Variants in TENM3 observed in about 807,000 individuals in gnomAD.
TENM3 encodes teneurin-3.
TENM3 carries 63 observed loss-of-function variants against 255.1 expected under a neutral mutation model. The ratio of observed to expected loss-of-function variants is 0.25; its 90% CI spans 0.20 to 0.30. TENM3 has a LOEUF of 0.30. Among genes scored for constraint, TENM3 ranks in the 10% least tolerant of loss-of-function variants. TENM3 has a pLI of 1.00. For synonymous variants in TENM3, 1,306 were observed against 1,322.3 expected, an observed-to-expected ratio of 0.99 and a Z score of 0.27; for missense variants, 2,929 against 3,461.1, an observed-to-expected ratio of 0.85 and a Z score of 3.86.
At chr4:182,297,277 A>T (rs1459917030) in intron 1 of TENM3, among the ~76,000 whole-genome samples, 1 of 152,198 alleles carries the variant, frequency 6.6e-6, no homozygotes, top group African/African-American at 2.4e-5. Flanking sequence ...TGCAGGTGAC[A>T]CTGTCACTTG....
chr4:182,261,473 G>A (rs1033763965), intron 1 of TENM3, among the ~76,000 whole-genome samples: 6 of 152,160 alleles, frequency 3.9e-5, no homozygotes, highest in Non-Finnish European at 7.3e-5. Context: ...TCAGCACCCC[G>A]TGTTTGTCCC....
intron 22 of TENM3, among the ~76,000 whole-genome samples, chr4:182,772,002 T>C (rs1387810810): frequency 6.6e-6 from 1 of 152,180 alleles, no homozygotes; most frequent in Non-Finnish European, 1.5e-5. Flanking sequence ...ATCTGACCGA[T>C]ACTGTCCCCA....
chr4:181,676,297 G>A, the TENM3 span, among the ~76,000 whole-genome samples: 1 of 152,092 alleles, frequency 6.6e-6, no homozygotes, highest in Non-Finnish European at 1.5e-5. Context: ...TAGGGAGTAG[G>A]GGAGGACATA....
chr4:181,613,708 T>C, the TENM3 span, among the ~76,000 whole-genome samples: 1 of 152,234 alleles, frequency 6.6e-6, no homozygotes, highest in Non-Finnish European at 1.5e-5. Flanking sequence ...CTTAGAATCA[T>C]GTTGATTTAT....
At chr4:182,535,739 CAAAA>C (rs113823765) in intron 3 of TENM3, among the ~76,000 whole-genome samples, 2 of 110,470 alleles carry the variant, frequency 1.8e-5, no homozygotes, top group Admixed American at 9.4e-5. Flanking sequence ...GACCCTATGT[CAAAA>C]AAAAAAAAAA....
At chr4:182,674,835 G>C (rs1282120939) in intron 7 of TENM3, among the ~76,000 whole-genome samples, 3 of 152,016 alleles carry the variant, frequency 2.0e-5, no homozygotes, top group Non-Finnish European at 4.4e-5. Flanking sequence ...CTTCCCAAAG[G>C]ACTGGGATTA....
At chr4:182,680,806 T>G in intron 10 of TENM3, 69 bp downstream of exon 10, 1 of 1,258,458 alleles carries the variant, frequency 7.9e-7, no homozygotes, top group Admixed American at 3.4e-5. Context: ...TCTGTAATCT[T>G]TAGTTGGGCA....
chr4:181,528,975 A>C, the TENM3 span, among the ~76,000 whole-genome samples: 1 of 152,262 alleles, frequency 6.6e-6, no homozygotes, highest in African/African-American at 2.4e-5. Flanking sequence ...ACAGTATATG[A>C]GTAGCATAAA....
chr4:182,702,787 G>T (rs28607842), intron 12 of TENM3, among the ~76,000 whole-genome samples: 2 of 151,268 alleles, frequency 1.3e-5, no homozygotes, highest in Non-Finnish European at 2.9e-5. Context: ...GCCCAGGCTG[G>T]AGTGCAGTGG....
At chr4:181,900,800 G>C in the TENM3 span, among the ~76,000 whole-genome samples, 3 of 152,156 alleles carry the variant, frequency 2.0e-5, no homozygotes, top group Non-Finnish European at 4.4e-5. Flanking sequence ...GAGCACAAGA[G>C]CTGCCAGTAG....
At chr4:181,534,550 C>T in the TENM3 span, among the ~76,000 whole-genome samples, 1 of 152,012 alleles carries the variant, frequency 6.6e-6, no homozygotes, top group South Asian at 2.1e-4. Flanking sequence ...TCCTGTGATG[C>T]CTGCTATGAG....
At chr4:182,181,203 C>A (rs1306975768) in intron 1 of TENM3, among the ~76,000 whole-genome samples, 5 of 152,162 alleles carry the variant, frequency 3.3e-5, no homozygotes, top group African/African-American at 1.2e-4. Context: ...CTAATCAGGA[C>A]TGTTTCATTT....
chr4:182,035,401 C>T, the TENM3 span, among the ~76,000 whole-genome samples: 1 of 152,152 alleles, frequency 6.6e-6, no homozygotes, highest in Admixed American at 6.6e-5. Context: ...CAATTAATAG[C>T]ATTTTTTGGT....
At chr4:182,205,941 G>A (rs1282985342) in intron 1 of TENM3, among the ~76,000 whole-genome samples, 1 of 152,060 alleles carries the variant, frequency 6.6e-6, no homozygotes, top group African/African-American at 2.4e-5. Context: ...CCGGAACATG[G>A]ACTGCCTCTC....
chr4:181,936,084 C>T, the TENM3 span, among the ~76,000 whole-genome samples: 1 of 152,238 alleles, frequency 6.6e-6, no homozygotes, highest in South Asian at 2.1e-4. Context: ...GTGCTGAGTG[C>T]TTTATTTTGC....
chr4:181,474,120 A>G, the TENM3 span, among the ~76,000 whole-genome samples: 1 of 152,026 alleles, frequency 6.6e-6, no homozygotes, highest in Non-Finnish European at 1.5e-5. Context: ...ATGAGAACAC[A>G]TGGACACAGG....
chr4:182,690,059 G>T (rs1212140293), intron 12 of TENM3, among the ~76,000 whole-genome samples: 4 of 152,194 alleles, frequency 2.6e-5, no homozygotes, highest in East Asian at 1.9e-4. Flanking sequence ...AGAAGAGTAG[G>T]TGTGGACAAA....
chr4:182,189,228 C>T (rs1049679486), intron 1 of TENM3, among the ~76,000 whole-genome samples: 5 of 151,738 alleles, frequency 3.3e-5, no homozygotes, highest in East Asian at 1.9e-4. Context: ...TTTCTTCTCC[C>T]GGTGCTGGAA....
At chr4:182,631,468 C>T (rs1453579168) in intron 5 of TENM3, 1 of 152,178 alleles carries the variant, frequency 6.6e-6, no homozygotes, top group Non-Finnish European at 1.5e-5. Flanking sequence ...TTCATTCGCT[C>T]ATCAGTTCGC....
Sources: gnomAD v4.1 joint callset for allele counts (sites outside exome capture counted in the v4.1 genomes callset) on GRCh38, gnomAD v4.1.1 for gene constraint, MANE v1.5 for transcripts, NCBI Gene and HGNC (gene_info 2026-07-23, HGNC 2026-07-21) for gene names.